GAS6: variants seen among roughly 807,000 people sequenced by gnomAD.
The protein encoded by GAS6 is growth arrest-specific protein 6.
In GAS6, 41 loss-of-function variants were observed where a neutral mutation model predicts 75.8. That is an observed-to-expected ratio of 0.54 (90% CI 0.42 to 0.70). The LOEUF is 0.70. GAS6 is among the 30% of genes least tolerant of loss of function. GAS6 has a pLI of 0.00. For missense variants in GAS6, 854 were observed against 940.2 expected (o/e 0.91, Z 1.20); for synonymous variants, 432 against 412.6 (o/e 1.05, Z -0.57).
rs763879682 is a variant in GAS6 at position 113,823,463 on chromosome 13, A to G, written c.1565T>C (p.Leu522Pro). 2 of 1,612,804 alleles carry G rather than the reference A, an allele frequency of 1.2e-6. No individual in the cohort carries two copies. Among genetic ancestry groups the G allele is most frequent in the Non-Finnish European group, 1.7e-6 (2 of 1,179,964 alleles). The change falls in exon 13 of 15, where the codon CTG becomes CCG. Residue 522 changes from leucine (L) to proline (P), a missense_variant. Leu to Pro is a moderately conservative substitution (Grantham distance 98). Transcript: ENST00000327773. ...GAGGTCGGGGGCCCAGAGCGCAAACAGCACGCCTGTGTCTGCGGCTGGGCG... is the reference window on the plus strand; with the variant it reads ...GAGGTCGGGGGCCCAGAGCGCAAACGGCACGCCTGTGTCTGCGGCTGGGCG... The part of the protein sequence containing the change: ...HIRPAADTGV[L>P]FALWAPDLRA...
intron 3 of GAS6, chr13:113,847,663 G>A (rs557803397): frequency 2.5e-5 from 7 of 276,050 alleles, no homozygotes; most frequent in Non-Finnish European, 4.7e-5. Flanking sequence ...CAGCCCACAT[G>A]AACATGGACC....
chr13:113,832,939 G>A (rs2051648890), intron 8 of GAS6, 187 bp from the exon 9 acceptor site: 50 of 1,479,544 alleles, frequency 3.4e-5, no homozygotes, highest in Admixed American at 4.2e-5. Flanking sequence ...GGTGAAGGGC[G>A]GGCTTGCAGC....
In GAS6 at chr13:113,863,716, G is replaced by A. The variant is rs1316533009; in HGVS notation, c.114C>T (p.Ala38=). The A allele has an allele frequency of 1.3e-6, 2 of 1,503,172 alleles. No homozygotes were observed. Among genetic ancestry groups the A allele is most frequent in the African/African-American group, 1.5e-5 (1 of 68,806 alleles). The allele number at this position is 1,503,172 out of a possible 1,614,324, so 93.1% of individuals were successfully genotyped here. The change falls in exon 2 of 15, where the codon GCC becomes GCT. Residue 38 remains alanine, a synonymous_variant. Transcript: ENST00000327773. This position sits in a 1 kb window ranked among gnomAD's most constrained non-coding sequence, Gnocchi z 9.4. ...GCTGCCTGGGCCGCAGGAACTGCGTGGCCTCGCGCGCCGGCAACAGCGCGG... is the reference window on the plus strand; with the variant it reads ...GCTGCCTGGGCCGCAGGAACTGCGTAGCCTCGCGCGCCGGCAACAGCGCGG... ...ALAALLPARE[A]TQFLRPRQRR...
intron 2 of GAS6, among the ~76,000 whole-genome samples, chr13:113,853,902 G>A (rs926702406): frequency 2.6e-5 from 4 of 152,126 alleles, no homozygotes; most frequent in African/African-American, 7.2e-5. Context: ...TTCCGAATTC[G>A]TTTCCTAAGT....
At chr13:113,853,121 T>C (rs1033474739) in intron 2 of GAS6, among the ~76,000 whole-genome samples, 2 of 152,156 alleles carry the variant, frequency 1.3e-5, no homozygotes, top group African/African-American at 4.8e-5. Context: ...GGCCAAAACC[T>C]CCATGCGGTG....
chr13:113,822,105 C>A lies in GAS6; in HGVS notation c.1735G>T (p.Val579Phe). The change falls in exon 14 of 15, where the codon GTC becomes TTC. Residue 579 changes from valine (V) to phenylalanine (F), a missense_variant. Coordinates refer to ENST00000327773, the MANE Select transcript of GAS6 (RefSeq NM_000820.4). ...VCDGQEHVVT[V>F]SLRDGEATLE... The stretch of plus-strand genomic sequence containing the variant: ...GTGGCCTCACCGTCCCTCAGCGAGA[C>A]GGTGACCACGTGCTCTTGGCCGTCG... 4 of 1,600,522 alleles carry A rather than the reference C, an allele frequency of 2.5e-6. No homozygotes were observed. Among genetic ancestry groups the A allele is most frequent in the Non-Finnish European group, 3.4e-6 (4 of 1,175,282 alleles).
At chr13:113,821,710 G>A (rs1034927796) in intron 14 of GAS6, 1 of 498,084 alleles carries the variant, frequency 2.0e-6, no homozygotes, top group East Asian at 3.2e-5. Context: ...ATGCAGGTTC[G>A]TGGGGCCTGA....
intron 10 of GAS6, among the ~76,000 whole-genome samples, chr13:113,831,676 C>T (rs995874377): frequency 6.6e-5 from 10 of 152,120 alleles, no homozygotes; most frequent in African/African-American, 2.4e-4. Flanking sequence ...CAGGCTGAAA[C>T]GTGATGAAAT....
intron 3 of GAS6, chr13:113,847,056 G>T: frequency 4.0e-6 from 2 of 500,574 alleles, no homozygotes; most frequent in South Asian, 1.5e-5. Flanking sequence ...AGGGCGGCGG[G>T]GGGAGGCGAG....
At chr13:113,838,243 C>G in intron 5 of GAS6, 52 bp from the exon 6 acceptor site, 1 of 1,605,366 alleles carries the variant, frequency 6.2e-7, no homozygotes, top group African/African-American at 1.3e-5. Flanking sequence ...CAGCCCCTGG[C>G]TACGGTAGGA....
chr13:113,827,550 C>T (rs1443858812), intron 11 of GAS6, among the ~76,000 whole-genome samples: 1 of 152,198 alleles, frequency 6.6e-6, no homozygotes, highest in East Asian at 1.9e-4. Flanking sequence ...AGGGTCCAGC[C>T]AGGCAAAGTC....
chr13:113,858,345 A>G (rs545570075), intron 2 of GAS6, among the ~76,000 whole-genome samples: 1 of 152,156 alleles, frequency 6.6e-6, no homozygotes, highest in East Asian at 1.9e-4. Flanking sequence ...ATGACTGTGT[A>G]CGTATGTCTA....
Position 113,863,851 on chromosome 13 carries a change from CCAG to C in GAS6, c.67_69del (p.Leu23del), listed in dbSNP as rs897584782. The C allele has an allele frequency of 1.3e-3, 1,644 of 1,248,196 alleles. No individual in the cohort carries two copies. Among genetic ancestry groups the C allele is most frequent in the South Asian group, 3.6e-3 (125 of 35,120 alleles). The allele number at this position is 1,248,196 out of a possible 1,614,324, so 77.3% of individuals were successfully genotyped here. On this transcript the variant is annotated inframe_deletion, in exon 1 of 15. Coordinates refer to ENST00000327773, the MANE Select transcript of GAS6 (RefSeq NM_000820.4). This position sits in a 1 kb window ranked among gnomAD's most constrained non-coding sequence, Gnocchi z 9.4. ...GACTCACCAAGCGCGCACTCCGCGG[CCAG>C]CAGCAGCAGCAGCAGCTGCGGCGCG...
Position 113,828,574 on chromosome 13 carries a change from G to C in GAS6, c.1281C>G (p.Pro427=), listed in dbSNP as rs1344663486. 6.2e-7 allele frequency: 1 copy of C among 1,613,474 alleles called. No individual in the cohort carries two copies. Among genetic ancestry groups the C allele is most frequent in the Middle Eastern group, 1.7e-4 (1 of 6,060 alleles). ...YHLNLTVGGI[P]FHEKDLVQPI... ...GCTGCACGAGGTCCTTCTCATGGAA[G>C]GGAATACCTCCCACGGTCAGGTTCA... Residue 427 remains proline, a synonymous_variant, in exon 11 of 15, where the codon CCC becomes CCG. Coordinates refer to ENST00000327773, the MANE Select transcript of GAS6 (RefSeq NM_000820.4).
intron 4 of GAS6, 43 bp from the exon 5 acceptor site, chr13:113,839,893 A>G: frequency 6.2e-7 from 1 of 1,612,006 alleles, no homozygotes; most frequent in Non-Finnish European, 8.5e-7. Flanking sequence ...CAGCTGCCCC[A>G]CCCCTGCGCG....
rs1461931604 is a variant in GAS6, at chr13:113,863,582, G to A, written c.248C>T (p.Pro83Leu). 5.9e-6 allele frequency: 9 copies of A among 1,514,802 alleles called. No individual in the cohort carries two copies. The East Asian group carries it at 2.2e-4, about 37-fold the overall frequency. 93.8% of individuals were successfully genotyped at this position (1,514,802 alleles called of 1,614,324 possible). Reference protein sequence around the residue: ...EEAREVFENDPETDYFYPRYL... With the variant: ...EEAREVFENDLETDYFYPRYL... ...CGCCCGCCGGCTGCTCACCGTCTCG[G>A]GGTCGTTCTCGAACACCTCCCGCGC... Residue 83 changes from proline (P) to leucine (L), a missense_variant, in exon 2 of 15, where the codon CCC becomes CTC. Transcript: ENST00000327773. This position sits in a 1 kb window ranked among gnomAD's most constrained non-coding sequence, Gnocchi z 9.4.
Position 113,829,440 on chromosome 13 carries a change from C to T in GAS6, c.1144-729G>A, listed in dbSNP as rs1488179108. Among the ~76,000 whole-genome samples the T allele has an allele frequency of 2.0e-5, 3 of 149,528 alleles. No homozygotes were observed. In the South Asian group the frequency reaches 6.4e-4, roughly 32 times the overall value. On this transcript the variant is annotated intron_variant, in intron 10 of 14. Transcript: ENST00000327773. ...CTCAGGGACACCACCTGATCCTCAC[C>T]TGGGCCAAGAGGGTCTCAATCTCAG... is the stretch of plus-strand genomic sequence containing the variant.
intron 4 of GAS6, chr13:113,842,398 TTA>T (rs1233516147): frequency 3.1e-5 from 12 of 393,296 alleles, no homozygotes; most frequent in Non-Finnish European, 4.9e-5. Flanking sequence ...GCCTTCGGAG[TTA>T]CGAGGAAACG....
rs370884804 is a variant in GAS6 at position 113,835,699 on chromosome 13, C to T, written c.590-64G>A. ...GCATCTCAGACGGGGCTGGGGCAGG[C>T]GGCTGCAGGGACTGGCCAGGGCACC... On this transcript the variant is annotated intron_variant, in intron 6 of 14. Transcript: ENST00000327773. The T allele has an allele frequency of 1.5e-5, 24 of 1,579,718 alleles. No homozygotes were observed. The East Asian group carries it at 4.5e-4, about 30-fold the overall frequency.
Sources: gnomAD v4.1 joint callset for allele counts (sites outside exome capture counted in the v4.1 genomes callset) on GRCh38, gnomAD v4.1.1 for gene constraint, Gnocchi (gnomAD v3.1) non-coding constraint, MANE v1.5 for transcripts, NCBI Gene and HGNC (gene_info 2026-07-23, HGNC 2026-07-21) for gene names.